Variants in NPSR1 observed in about 807,000 individuals in gnomAD.
NPSR1 encodes neuropeptide S receptor.
Under a neutral mutation model 46.9 loss-of-function variants are expected in NPSR1, and 48 were observed. That is an observed-to-expected ratio of 1.02 (90% CI 0.81 to 1.30). The LOEUF is 1.30. Ranked by LOEUF, NPSR1 falls within the 50% of genes most tolerant of loss-of-function variation. The pLI is 0.00. For missense variants in NPSR1, 450 were observed against 449.5 expected (o/e 1.00, Z -0.01); for synonymous variants, 176 against 168.1 (o/e 1.05, Z -0.36).
chr7:34,749,044 C>G (rs1020211212), intron 2 of NPSR1, among the ~76,000 whole-genome samples: 1 of 152,162 alleles, frequency 6.6e-6, no homozygotes, highest in Non-Finnish European at 1.5e-5. Flanking sequence ...TAATGCTTCT[C>G]CCAGGTGACA....
intron 3 of NPSR1, among the ~76,000 whole-genome samples, chr7:34,802,805 G>C (rs529707739): frequency 6.6e-6 from 1 of 150,456 alleles, no homozygotes; most frequent in Admixed American, 6.6e-5. Flanking sequence ...GACAATTTTT[G>C]CAACCTACTC....
At chr7:34,682,787 C>A (rs1277159022) in intron 1 of NPSR1, among the ~76,000 whole-genome samples, 1 of 152,172 alleles carries the variant, frequency 6.6e-6, no homozygotes, top group African/African-American at 2.4e-5. Flanking sequence ...TGCTTTATCA[C>A]CCATTTCAAG....
chr7:34,727,544 G>A (rs1784219830), intron 2 of NPSR1, among the ~76,000 whole-genome samples: 1 of 152,198 alleles, frequency 6.6e-6, no homozygotes, highest in African/African-American at 2.4e-5. Flanking sequence ...ATAAGTTCAT[G>A]TAGCAACCAC....
At position 34,683,795 on chromosome 7, in the gene NPSR1, C is replaced by A. The variant is rs113739759; in HGVS notation, c.148-757C>A. On this transcript the variant is annotated intron_variant, in intron 1 of 8. Transcript: ENST00000360581. ...CATTAATCTATTCATGAGGGCACAG[C>A]CTTCATGACCTAGTCACTTCTTAAA... Among the ~76,000 whole-genome samples, 261 of 152,246 alleles carry A rather than the reference C, an allele frequency of 1.7e-3. 1 individual carries two copies. Among genetic ancestry groups the A allele is most frequent in the African/African-American group, 5.7e-3 (237 of 41,550 alleles).
chr7:34,692,931 C>T (rs989987917), intron 2 of NPSR1, among the ~76,000 whole-genome samples: 11 of 152,138 alleles, frequency 7.2e-5, no homozygotes, highest in Non-Finnish European at 1.6e-4. Flanking sequence ...ACAATCCCCC[C>T]GTGTTGGAGG....
At chr7:34,751,289 G>A in intron 2 of NPSR1, 1 of 963,252 alleles carries the variant, frequency 1.0e-6, no homozygotes, top group Non-Finnish European at 1.7e-6. Context: ...AACAGAAGAT[G>A]AGGCTGGGAG....
chr7:34,700,622 T>A (rs1793780254), intron 2 of NPSR1, among the ~76,000 whole-genome samples: 1 of 152,174 alleles, frequency 6.6e-6, no homozygotes, highest in Non-Finnish European at 1.5e-5. Flanking sequence ...ATATACTAAA[T>A]CACTCTTTGA....
intron 2 of NPSR1, among the ~76,000 whole-genome samples, chr7:34,775,837 G>A (rs1343902545): frequency 1.3e-5 from 2 of 151,840 alleles, no homozygotes; most frequent in Non-Finnish European, 2.9e-5. Context: ...TTTATTTAAA[G>A]TTTATCTTCT....
intron 4 of NPSR1, 54 bp downstream of exon 4, chr7:34,811,917 T>A (rs1789006631): frequency 8.9e-7 from 1 of 1,119,872 alleles, no homozygotes; most frequent in African/African-American, 1.6e-5. Context: ...TGAGTGAGGG[T>A]AGGATCATTT....
chr7:34,852,161 A>G (rs1790949096), downstream of NPSR1, among the ~76,000 whole-genome samples: 1 of 152,078 alleles, frequency 6.6e-6, no homozygotes. Flanking sequence ...TTAGCCAGGC[A>G]TGGTGGCTGG....
intron 8 of NPSR1, among the ~76,000 whole-genome samples, chr7:34,864,784 A>G (rs969207634): frequency 8.6e-5 from 13 of 151,858 alleles, no homozygotes; most frequent in African/African-American, 3.2e-4. Flanking sequence ...ATTACTAACA[A>G]ATGTGACTTG....
chr7:34,812,332 A>G (rs1789027612), intron 4 of NPSR1, among the ~76,000 whole-genome samples: 1 of 152,200 alleles, frequency 6.6e-6, no homozygotes, highest in Admixed American at 6.5e-5. Context: ...TTGGGAAAAA[A>G]AAATAAGGAA....
At chr7:34,703,609 A>T (rs889585203) in intron 2 of NPSR1, among the ~76,000 whole-genome samples, 5 of 152,170 alleles carry the variant, frequency 3.3e-5, no homozygotes, top group African/African-American at 1.2e-4. Flanking sequence ...ATCCCTTCAA[A>T]AAAAAATCTT....
intron 3 of NPSR1, among the ~76,000 whole-genome samples, chr7:34,783,697 T>C (rs1720044446): frequency 6.6e-6 from 1 of 151,898 alleles, no homozygotes; most frequent in African/African-American, 2.4e-5. Context: ...AAAATAAGAC[T>C]ACACCAAGAC....
rs546368217 is a variant in NPSR1, at chr7:34,841,512, T to C, written c.758-3384T>C. 3.3e-5 allele frequency among the ~76,000 whole-genome samples: 5 copies of C among 152,226 alleles called. No homozygotes were observed. In the South Asian group the frequency reaches 1.0e-3, roughly 31 times the overall value. Reference sequence around the variant, plus strand: ...CTACCCAAGCCCGATTAATGCACAGTGACAGCTGAATTTAACTGCTTTTCA... The same window carrying C: ...CTACCCAAGCCCGATTAATGCACAGCGACAGCTGAATTTAACTGCTTTTCA... On this transcript the variant is annotated intron_variant, in intron 6 of 8. Transcript: ENST00000360581.
intron 2 of NPSR1, among the ~76,000 whole-genome samples, chr7:34,692,563 A>C (rs1369597424): frequency 6.6e-6 from 1 of 152,248 alleles, no homozygotes; most frequent in East Asian, 1.9e-4. Context: ...TTCTAAGAGA[A>C]AAGTTTATAG....
intron 2 of NPSR1, among the ~76,000 whole-genome samples, chr7:34,740,271 G>A (rs1047677670): frequency 1.3e-5 from 2 of 151,922 alleles, no homozygotes; most frequent in Non-Finnish European, 2.9e-5. Context: ...CAACAGCACT[G>A]AGTTTGTTTC....
chr7:34,709,105 C>A (rs568391966), intron 2 of NPSR1, among the ~76,000 whole-genome samples: 2 of 152,278 alleles, frequency 1.3e-5, no homozygotes, highest in Non-Finnish European at 2.9e-5. Flanking sequence ...TTCTTCTCCT[C>A]AAGAGGCTTG....
intron 6 of NPSR1, among the ~76,000 whole-genome samples, chr7:34,844,307 A>G (rs1350674484): frequency 6.6e-6 from 1 of 152,186 alleles, no homozygotes; most frequent in East Asian, 1.9e-4. Context: ...TGTCCTCATC[A>G]ATCTAGTAGA....
Sources: allele counts gnomAD v4.1 joint callset (sites outside exome capture counted in the v4.1 genomes callset), GRCh38; gene constraint gnomAD v4.1.1; transcripts MANE v1.5; gene names NCBI Gene and HGNC (gene_info 2026-07-23, HGNC 2026-07-21).